Variants in HERC1 observed in about 807,000 individuals in gnomAD.
The protein encoded by HERC1 is probable E3 ubiquitin-protein ligase HERC1.
In HERC1, 160 loss-of-function variants were observed where a neutral mutation model predicts 554.3. That is an observed-to-expected ratio of 0.29 (90% CI 0.25 to 0.33). The LOEUF is 0.33. Ranked by LOEUF, HERC1 falls within the 10% of genes least tolerant of loss-of-function variation. The probability of loss-of-function intolerance (pLI) is 1.00; values close to 1 mark genes in which losing one functional copy is unlikely to be tolerated. For missense variants in HERC1, 4,919 were observed against 5,918.5 expected, an observed-to-expected ratio of 0.83 and a Z score of 5.54; for synonymous variants, 2,175 against 2,131.7, an observed-to-expected ratio of 1.02 and a Z score of -0.56.
intron 30 of HERC1, among the ~76,000 whole-genome samples, chr15:63,693,188 A>AC (rs1432792421): frequency 2.0e-5 from 3 of 151,574 alleles, no homozygotes; most frequent in Non-Finnish European, 2.9e-5. Flanking sequence ...AACAACAACA[A>AC]AAAAAACCCA....
chr15:63,801,967 ACAT>A (rs2077003331), intron 1 of HERC1, among the ~76,000 whole-genome samples: 1 of 152,218 alleles, frequency 6.6e-6, no homozygotes, highest in South Asian at 2.1e-4. Flanking sequence ...AATCTCTAAC[ACAT>A]CATGTTTAAA....
At chr15:63,675,227 GAAT>G (rs1221310356) in intron 37 of HERC1, 110 bp from the exon 38 acceptor site, 1 of 833,864 alleles carries the variant, frequency 1.2e-6, no homozygotes, top group African/African-American at 1.7e-5. Context: ...ACAATACAGA[GAAT>G]AATTTACACA....
At chr15:63,755,113 AAACT>A (rs1408307450) in intron 6 of HERC1, 112 bp downstream of exon 6, 1 of 705,722 alleles carries the variant, frequency 1.4e-6, no homozygotes, top group Non-Finnish European at 2.5e-6. Flanking sequence ...CTCTGAGCTT[AAACT>A]AACAAAATAA....
chr15:63,812,195 A>G (rs1367497095), intron 1 of HERC1, among the ~76,000 whole-genome samples: 5 of 152,210 alleles, frequency 3.3e-5, no homozygotes, highest in Admixed American at 3.3e-4. Context: ...TTGTGTTTTT[A>G]CAAATTACAC....
chr15:63,709,541 T>C (rs2073186839), intron 24 of HERC1, among the ~76,000 whole-genome samples: 1 of 152,182 alleles, frequency 6.6e-6, no homozygotes, highest in African/African-American at 2.4e-5. Flanking sequence ...ACTTCAAAGA[T>C]AAAGAAACTG....
chr15:63,658,513 T>G (rs2070174555), intron 48 of HERC1, 31 bp downstream of exon 48: 1 of 1,583,320 alleles, frequency 6.3e-7, no homozygotes, highest in East Asian at 2.3e-5. Context: ...AGAAGTTAAC[T>G]TAGCATCATG....
chr15:63,702,949 C>A (rs527312300), intron 25 of HERC1, among the ~76,000 whole-genome samples: 1 of 152,028 alleles, frequency 6.6e-6, no homozygotes, highest in South Asian at 2.1e-4. Flanking sequence ...ACTAAAAATA[C>A]AAAAATTAGC....
intron 60 of HERC1, 140 bp downstream of exon 60, chr15:63,641,330 T>C (rs2069049907): frequency 1.3e-5 from 8 of 613,648 alleles, no homozygotes; most frequent in Non-Finnish European, 2.1e-5. Context: ...TAGGCATGAC[T>C]TACCTTCATT....
intron 12 of HERC1, among the ~76,000 whole-genome samples, chr15:63,744,054 C>A (rs183313141): frequency 5.3e-5 from 8 of 150,076 alleles, no homozygotes; most frequent in Admixed American, 3.3e-4. Context: ...TGGGAGAATT[C>A]TCTGGATTAT....
intron 1 of HERC1, among the ~76,000 whole-genome samples, chr15:63,796,832 G>A (rs184806950): frequency 1.5e-3 from 224 of 152,310 alleles, no homozygotes; most frequent in African/African-American, 5.0e-3. Context: ...GGGTTATGGA[G>A]ACCAAGGTTT....
intron 73 of HERC1, 35 bp from the exon 74 acceptor site, chr15:63,622,926 A>G (rs1384303617): frequency 3.0e-6 from 4 of 1,355,288 alleles, no homozygotes; most frequent in African/African-American, 1.5e-5. Context: ...TTGAGAAATG[A>G]CAATCAAATG....
At chr15:63,744,243 C>A (rs1362418135) in intron 12 of HERC1, among the ~76,000 whole-genome samples, 1 of 151,420 alleles carries the variant, frequency 6.6e-6, no homozygotes, top group African/African-American at 2.4e-5. Context: ...GACACAAGCA[C>A]CCCTGTGGCC....
intron 48 of HERC1, among the ~76,000 whole-genome samples, chr15:63,657,230 G>A (rs528400702): frequency 2.0e-5 from 3 of 150,118 alleles, no homozygotes; most frequent in Admixed American, 1.3e-4. Flanking sequence ...GGTGTGCAAT[G>A]GTATCTCATT....
chr15:63,655,310 T>C (rs1197177512), intron 50 of HERC1, among the ~76,000 whole-genome samples: 2 of 152,274 alleles, frequency 1.3e-5, no homozygotes, highest in East Asian at 3.9e-4. Flanking sequence ...GCCAAGATTG[T>C]GCCACTGCAC....
At chr15:63,789,504 T>A (rs1471679846) in intron 1 of HERC1, among the ~76,000 whole-genome samples, 1 of 151,958 alleles carries the variant, frequency 6.6e-6, no homozygotes, top group African/African-American at 2.4e-5. Flanking sequence ...CTATTATCAA[T>A]AATGAAACTG....
Position 63,651,259 on chromosome 15 carries a change from C to G in HERC1, c.10540G>C (p.Val3514Leu), listed in dbSNP as rs1018688467. Residue 3514 changes from valine to leucine, a missense_variant, in exon 53 of 78, where the codon GTT (valine) becomes CTT (leucine). Transcript: ENST00000443617. ...ALEKMVNIWQ[V>L]NGGKGLVDIQ... ...GTGTTTACATGACTCTTACCATTAA[C>G]TTGCCAGATATTCACCATCTTTTCC... 1 of 1,613,794 alleles carries G rather than the reference C, an allele frequency of 6.2e-7. No individual in the cohort carries two copies.
intron 1 of HERC1, among the ~76,000 whole-genome samples, chr15:63,793,407 C>G (rs6494434): frequency 0.81 from 123,581 of 152,192 alleles, 52,018 homozygotes; most frequent in Non-Finnish European, 0.87. Context: ...TATGCTAAAA[C>G]ACACTCCCAA....
intron 70 of HERC1, among the ~76,000 whole-genome samples, chr15:63,627,972 ATG>A (rs2068375373): frequency 6.6e-6 from 1 of 152,262 alleles, no homozygotes; most frequent in Non-Finnish European, 1.5e-5. Flanking sequence ...TGCTGTGCCA[ATG>A]CACAGACATC....
In HERC1 at chr15:63,718,863, G is replaced by A. The variant is rs1180153569; in HGVS notation, c.3777C>T (p.Leu1259=). Residue 1259 remains leucine (L), a synonymous_variant, in exon 20 of 78, where the codon CTC becomes CTT. Coordinates refer to ENST00000443617, the MANE Select transcript of HERC1 (RefSeq NM_003922.4). The surrounding 1 kb of genome is among the most constrained non-coding windows in gnomAD (Gnocchi z 4.2). ...GAACAAATCTAGACACAGTGTCCAA[G>A]AGTGACTCATTACTTAAAGTTGCAC... ...WDSATLSNES[L]LDTVSRFVLA... 2 of 1,612,278 alleles carry A rather than the reference G, an allele frequency of 1.2e-6. No homozygotes were observed. Among genetic ancestry groups the A allele is most frequent in the East Asian group, 4.5e-5 (2 of 44,820 alleles).
Sources: gnomAD v4.1 joint callset for allele counts (sites outside exome capture counted in the v4.1 genomes callset) on GRCh38, gnomAD v4.1.1 for gene constraint, Gnocchi (gnomAD v3.1) non-coding constraint, MANE v1.5 for transcripts, NCBI Gene and HGNC (gene_info 2026-07-23, HGNC 2026-07-21) for gene names.